TCF12: variants seen among roughly 807,000 people sequenced by gnomAD.
TCF12 encodes DNA-binding protein HTF4.
A neutral mutation model predicts 86.0 loss-of-function variants in TCF12; 45 were observed. That is an observed-to-expected ratio of 0.52 (90% CI 0.41 to 0.67). The LOEUF (loss-of-function observed/expected upper bound fraction) is 0.67, where lower values mean the gene tolerates loss of function less well. Among genes scored for constraint, TCF12 ranks in the 30% least tolerant of loss-of-function variants. The pLI is 0.00. For missense variants in TCF12, 881 were observed against 859.9 expected (o/e 1.02, Z -0.31); for synonymous variants, 330 against 299.6 (o/e 1.10, Z -1.05).
intron 8 of TCF12, among the ~76,000 whole-genome samples, chr15:57,228,723 A>G (rs768722892): frequency 2.8e-4 from 43 of 151,752 alleles, no homozygotes; most frequent in Non-Finnish European, 5.6e-4. Flanking sequence ...CTGTAATTGT[A>G]ACCATTTTCA....
chr15:57,054,915 A>G (rs905229110), intron 3 of TCF12, among the ~76,000 whole-genome samples: 6 of 149,472 alleles, frequency 4.0e-5, no homozygotes, highest in African/African-American at 1.5e-4. Flanking sequence ...TTATAGGTCT[A>G]TTTACTGCCT....
intron 3 of TCF12, among the ~76,000 whole-genome samples, chr15:56,939,200 C>T (rs1216159298): frequency 1.3e-5 from 2 of 152,010 alleles, no homozygotes; most frequent in Admixed American, 6.6e-5. Context: ...ATAAAACTGT[C>T]TTTGTATTTG....
chr15:57,279,185 G>A (rs1003887014), intron 19 of TCF12, among the ~76,000 whole-genome samples: 11 of 147,678 alleles, frequency 7.4e-5, no homozygotes, highest in African/African-American at 2.6e-4. Flanking sequence ...GTAGAGACAG[G>A]GTCTCACTTT....
At chr15:57,046,745 C>T (rs1309643508) in intron 3 of TCF12, among the ~76,000 whole-genome samples, 4 of 152,192 alleles carry the variant, frequency 2.6e-5, no homozygotes, top group African/African-American at 4.8e-5. Flanking sequence ...CGTGAGCCAC[C>T]ATACCTGGCT....
intron 5 of TCF12, among the ~76,000 whole-genome samples, chr15:57,121,963 TATGGGTGAG>T: frequency 6.6e-6 from 1 of 152,300 alleles, no homozygotes; most frequent in South Asian, 2.1e-4. Context: ...ACAGTATACC[TATGGGTGAG>T]ATTAGAATAA....
chr15:57,097,658 A>ATGAG (rs1330544296), intron 5 of TCF12, among the ~76,000 whole-genome samples: 1 of 152,206 alleles, frequency 6.6e-6, no homozygotes, highest in Non-Finnish European at 1.5e-5. Flanking sequence ...TTTCATAAGG[A>ATGAG]TGAGGCCTTT....
intron 5 of TCF12, among the ~76,000 whole-genome samples, chr15:57,106,822 G>C (rs1251925777): frequency 1.3e-5 from 2 of 152,202 alleles, no homozygotes; most frequent in African/African-American, 4.8e-5. Context: ...GCTCAAAATT[G>C]TATGTAATGT....
intron 13 of TCF12, among the ~76,000 whole-genome samples, chr15:57,250,024 G>A (rs1262518663): frequency 6.6e-6 from 1 of 151,518 alleles, no homozygotes; most frequent in Non-Finnish European, 1.5e-5. Context: ...CTCTGAACTT[G>A]TATCTTTTCT....
At chr15:57,090,596 G>A (rs145202362) in intron 4 of TCF12, among the ~76,000 whole-genome samples, 38 of 152,272 alleles carry the variant, frequency 2.5e-4, no homozygotes, top group African/African-American at 9.1e-4. Flanking sequence ...CTGACAGCAT[G>A]CCTGCAAAGA....
At chr15:57,112,231 C>T (rs1196314740) in intron 5 of TCF12, among the ~76,000 whole-genome samples, 4 of 152,086 alleles carry the variant, frequency 2.6e-5, no homozygotes, top group Admixed American at 6.5e-5. Flanking sequence ...ATCCTCCAGG[C>T]GGGAATAGCC....
intron 3 of TCF12, among the ~76,000 whole-genome samples, chr15:56,979,757 G>A (rs1277130023): frequency 6.6e-6 from 1 of 152,190 alleles, no homozygotes; most frequent in Non-Finnish European, 1.5e-5. Flanking sequence ...AGGAGATTGT[G>A]CATCAAAGTT....
At chr15:57,273,291 T>C in intron 19 of TCF12, 29 bp downstream of exon 19, 1 of 1,604,540 alleles carries the variant, frequency 6.2e-7, no homozygotes, top group Non-Finnish European at 8.5e-7. Flanking sequence ...GATGTATAAC[T>C]GTTCTGCTTC....
chr15:57,275,099 CT>C (rs764081656), intron 19 of TCF12, among the ~76,000 whole-genome samples: 1 of 152,154 alleles, frequency 6.6e-6, no homozygotes, highest in Non-Finnish European at 1.5e-5. Flanking sequence ...TTACTACTGA[CT>C]TTCTGGTCTG....
intron 4 of TCF12, among the ~76,000 whole-genome samples, chr15:57,075,828 C>CCTT (rs2069919283): frequency 2.8e-5 from 2 of 71,358 alleles, no homozygotes; most frequent in Admixed American, 1.4e-4. Flanking sequence ...CTCTCTCTCT[C>CCTT]TCTCTCTTTT....
At chr15:57,224,970 A>G (rs1230438131) in intron 8 of TCF12, among the ~76,000 whole-genome samples, 1 of 152,112 alleles carries the variant, frequency 6.6e-6, no homozygotes, top group Non-Finnish European at 1.5e-5. Flanking sequence ...TTATGGCAGA[A>G]TTTGCCATTT....
intron 3 of TCF12, among the ~76,000 whole-genome samples, chr15:56,931,586 T>C (rs2060251975): frequency 6.6e-6 from 1 of 152,150 alleles, no homozygotes; most frequent in Non-Finnish European, 1.5e-5. Context: ...ACAGACAAAA[T>C]CAGTCTTTGG....
intron 5 of TCF12, among the ~76,000 whole-genome samples, chr15:57,116,702 A>G (rs1269068592): frequency 6.6e-6 from 1 of 152,214 alleles, no homozygotes; most frequent in African/African-American, 2.4e-5. Context: ...ATAATTATTT[A>G]AATGATATAT....
chr15:57,067,702 T>TA (rs752465028), intron 4 of TCF12, among the ~76,000 whole-genome samples: 11 of 152,146 alleles, frequency 7.2e-5, no homozygotes, highest in Non-Finnish European at 1.3e-4. Context: ...CTACTTTTGT[T>TA]AGAGTCCTGG....
rs2061987462 is a variant in TCF12, at chr15:57,287,985, G to A, written c.*1840G>A. 1 of 152,464 alleles carries A rather than the reference G, an allele frequency of 6.6e-6. No homozygotes were observed. The highest frequency in any genetic ancestry group is 3.2e-3 in the Middle Eastern group (1 of 314). The allele number at this position is 152,464 out of a possible 1,614,324, so 9.4% of individuals were successfully genotyped here. A position where few individuals can be genotyped will look rare whatever the true frequency, so the allele number is the denominator to read the frequency against. ...TGTCTTTTTCGCTATATTAGACTTTGCAGTATGCCCAGAAGCTTTCCTTCA... is the reference window on the plus strand; with the variant it reads ...TGTCTTTTTCGCTATATTAGACTTTACAGTATGCCCAGAAGCTTTCCTTCA... On this transcript the variant is annotated 3_prime_UTR_variant, in exon 21 of 21. Coordinates refer to ENST00000333725, the MANE Select transcript of TCF12 (RefSeq NM_207037.2).
Sources: allele counts gnomAD v4.1 joint callset (sites outside exome capture counted in the v4.1 genomes callset), GRCh38; gene constraint gnomAD v4.1.1; transcripts MANE v1.5; gene names NCBI Gene and HGNC (gene_info 2026-07-23, HGNC 2026-07-21).